The following RYR1 variants were observed in gnomAD, a reference collection of about 807,000 sequenced individuals.
The protein encoded by RYR1 is central core disease of muscle.
In RYR1, 342 loss-of-function variants were observed where a neutral mutation model predicts 583.5. The ratio of observed to expected loss-of-function variants is 0.59; its 90% CI spans 0.54 to 0.64. RYR1 has a LOEUF of 0.64. Among genes scored for constraint, RYR1 ranks in the 30% least tolerant of loss-of-function variants. The pLI is 0.00. For synonymous variants in RYR1, 2,791 were observed against 2,822.5 expected, an observed-to-expected ratio of 0.99 and a Z score of 0.35; for missense variants, 6,032 against 6,917.2, an observed-to-expected ratio of 0.87 and a Z score of 4.54.
intron 58 of RYR1, among the ~76,000 whole-genome samples, chr19:38,508,772 G>A (rs1970594837): frequency 6.6e-6 from 1 of 152,158 alleles, no homozygotes; most frequent in Non-Finnish European, 1.5e-5. Flanking sequence ...GATCATGCAG[G>A]GCTTTGCAAG....
intron 89 of RYR1, among the ~76,000 whole-genome samples, chr19:38,549,965 A>C (rs1972597950): frequency 6.7e-6 from 1 of 150,100 alleles, no homozygotes; most frequent in Non-Finnish European, 1.5e-5. Flanking sequence ...CATGTTGGCC[A>C]GGCTGGTCTT....
At position 38,510,764 on chromosome 19, in the gene RYR1, GA is replaced by G; in HGVS notation, c.9107del (p.Lys3036ArgfsTer3). ...GSGGHASNKEKEMITSLFCKL... is the reference protein window; with the variant it reads ...GSGGHASNKEXEMITSLFCKL... ...GCGGTGGCCACGCCTCTAACAAGGA[GA>G]AGGAAATGATCACCAGGTGGGCCGC... is the stretch of plus-strand genomic sequence containing the variant. On this transcript the variant is annotated frameshift_variant, in exon 60 of 106. Coordinates refer to ENST00000359596, the MANE Select transcript of RYR1 (RefSeq NM_000540.3). LOFTEE classifies it high-confidence loss of function. 6.2e-7 allele frequency: 1 copy of G among 1,614,204 alleles called. No homozygotes were observed. Among genetic ancestry groups the G allele is most frequent in the Non-Finnish European group, 8.5e-7 (1 of 1,180,042 alleles).
At position 38,456,335 on chromosome 19, in the gene RYR1, G is replaced by A. The variant is rs150328360; in HGVS notation, c.1791+584G>A. On this transcript the variant is annotated intron_variant, in intron 16 of 105. Transcript: ENST00000359596. The stretch of plus-strand genomic sequence containing the variant: ...CTGTCACCCAGACTGGAGTGGGAGT[G>A]CAGTGGCATGATCTCAGCTCACTGC... Among the ~76,000 whole-genome samples, 497 of 144,744 alleles carry A rather than the reference G, an allele frequency of 3.4e-3. 4 individuals are homozygous for A. Among genetic ancestry groups the A allele is most frequent in the African/African-American group, 0.012 (472 of 38,752 alleles). The allele number at this position is 144,744 out of a possible 152,430, so 95.0% of individuals were successfully genotyped here. A position where few individuals can be genotyped will look rare whatever the true frequency, so the allele number is the denominator to read the frequency against.
Position 38,543,200 on chromosome 19 carries a change from T to C in RYR1, c.11690-147T>C. The stretch of plus-strand genomic sequence containing the variant: ...TCTCTGTCACATAGTAAGTACTTGA[T>C]AGTTATTAAATAAATTGATGATGAT... On this transcript the variant is annotated intron_variant, in intron 84 of 105. Transcript: ENST00000359596. This position sits in a 1 kb window ranked among gnomAD's most constrained non-coding sequence, Gnocchi z 4.4. The C allele has an allele frequency of 1.4e-6, 1 of 737,384 alleles. No homozygotes were observed. Among genetic ancestry groups the C allele is most frequent in the Non-Finnish European group, 2.4e-6 (1 of 408,914 alleles). The allele number at this position is 737,384 out of a possible 1,614,324, so 45.7% of individuals were successfully genotyped here.
rs1970267465 is a variant in RYR1 at position 38,503,009 on chromosome 19, G to A, written c.7926+39G>A. The A allele has an allele frequency of 1.9e-6, 3 of 1,589,494 alleles. No individual in the cohort carries two copies. In the South Asian group the frequency reaches 3.3e-5, roughly 18 times the overall value. ...CTCTTTAGCATCTCATTTCCAGGCC[G>A]CACCCACTGGTTTGCTCTTCCCTCC... On this transcript the variant is annotated intron_variant, in intron 49 of 105. Transcript: ENST00000359596.
Position 38,489,392 on chromosome 19 carries a change from C to T in RYR1, c.5763C>T (p.Gly1921=). The T allele has an allele frequency of 6.2e-7, 1 of 1,613,946 alleles. No homozygotes were observed. The change falls in exon 35 of 106, where the codon GGC becomes GGT. Residue 1921 remains glycine, a synonymous_variant. Transcript: ENST00000359596. ...EEAAEGEKEE[G]LEEGLLQMKL... ...CAGCAGAAGGGGAGAAAGAAGAAGG[C>T]TTGGAGGAAGGGCTGCTCCAGATGA...
chr19:38,455,099 AC>A, intron 13 of RYR1, 135 bp from the exon 14 acceptor site: 1 of 1,059,276 alleles, frequency 9.4e-7, no homozygotes, highest in Non-Finnish European at 1.4e-6. Context: ...GGAATATGAA[AC>A]CAAAGGGGCT....
rs1970780761 is a variant in RYR1, at chr19:38,512,574, A to C, written c.9472+91A>C. ...GCCTGTGAGAGTCCCTGGGTGTTTG[A>C]ATGTGTGGATTTCTTGCTGTAAGCA... On this transcript the variant is annotated intron_variant, in intron 63 of 105. Transcript: ENST00000359596. This position sits in a 1 kb window ranked among gnomAD's most constrained non-coding sequence, Gnocchi z 5.1. 3 of 1,229,822 alleles carry C rather than the reference A, an allele frequency of 2.4e-6. No homozygotes were observed. Among genetic ancestry groups the C allele is most frequent in the Non-Finnish European group, 3.5e-6 (3 of 845,298 alleles). 76.2% of individuals were successfully genotyped at this position (1,229,822 alleles called of 1,614,324 possible).
chr19:38,464,336 C>A (rs1967973062), intron 22 of RYR1, among the ~76,000 whole-genome samples: 1 of 130,832 alleles, frequency 7.6e-6, no homozygotes, highest in Admixed American at 8.0e-5. Context: ...AAGAAAGGGA[C>A]AGAGGCAGAA....
chr19:38,455,970 T>TTTG (rs974780978), intron 16 of RYR1, among the ~76,000 whole-genome samples: 2 of 99,596 alleles, frequency 2.0e-5, no homozygotes, highest in African/African-American at 6.3e-5. Flanking sequence ...CTGAAATGTT[T>TTTG]TTTTTTTTTT....
At position 38,494,438 on chromosome 19, in the gene RYR1, T is replaced by G. The variant is rs1257280489; in HGVS notation, c.6361T>G (p.Phe2121Val). ...VQSPELVRAM[F>V]SLLHRQYDGL... The stretch of plus-strand genomic sequence containing the variant: ...GAGCCCCGAGCTGGTGCGGGCCATG[T>G]TCAGCCTCCTGCACCGGCAGTACGA... Residue 2121 changes from phenylalanine (F) to valine (V), a missense_variant, in exon 39 of 106, where the codon TTC (phenylalanine) becomes GTC (valine). Physicochemically the swap from Phe to Val is conservative, Grantham distance 50 (BLOSUM62 -1). Coordinates refer to ENST00000359596, the MANE Select transcript of RYR1 (RefSeq NM_000540.3). 1.2e-6 allele frequency: 2 copies of G among 1,612,326 alleles called. No individual in the cohort carries two copies. Among genetic ancestry groups the G allele is most frequent in the African/African-American group, 2.7e-5 (2 of 74,890 alleles).
intron 37 of RYR1, among the ~76,000 whole-genome samples, chr19:38,492,111 C>T (rs547239681): frequency 2.0e-4 from 30 of 152,150 alleles, no homozygotes; most frequent in African/African-American, 5.3e-4. Context: ...CCTGCAATCC[C>T]GGCATTTTGG....
At position 38,469,522 on chromosome 19, in the gene RYR1, T is replaced by C. The variant is rs1968305651; in HGVS notation, c.3765+9T>C. ...AACACCCTCACTATGAGGTAAGGAC[T>C]GAGCCCCTCAATGCCTTCTCATCTG... On this transcript the variant is annotated intron_variant, in intron 27 of 105. Coordinates refer to ENST00000359596, the MANE Select transcript of RYR1 (RefSeq NM_000540.3). 1 of 1,613,184 alleles carries C rather than the reference T, an allele frequency of 6.2e-7. No homozygotes were observed. The highest frequency in any genetic ancestry group is 1.3e-5 in the African/African-American group (1 of 74,918).
At chr19:38,481,493 A>G (rs1205975790) in intron 31 of RYR1, among the ~76,000 whole-genome samples, 1 of 152,090 alleles carries the variant, frequency 6.6e-6, no homozygotes, top group Non-Finnish European at 1.5e-5. Flanking sequence ...GTTTCATTTC[A>G]TATGTAGATT....
At chr19:38,466,472 A>G in intron 24 of RYR1, 74 bp downstream of exon 24, 1 of 1,293,904 alleles carries the variant, frequency 7.7e-7, no homozygotes, top group Non-Finnish European at 1.1e-6. Flanking sequence ...CTGATCTCTG[A>G]CCTGACTCAG....
rs548280516 is a variant in RYR1 at position 38,510,741 on chromosome 19, G to A, written c.9082G>A (p.Gly3028Ser). 22 of 1,614,002 alleles carry A rather than the reference G, an allele frequency of 1.4e-5. No individual in the cohort carries two copies. The East Asian group carries it at 2.2e-4, about 16-fold the overall frequency. Residue 3028 changes from glycine (G) to serine (S), a missense_variant, in exon 60 of 106, where the codon GGT (glycine) becomes AGT (serine). Transcript: ENST00000359596. ...LSTPAKVLGS[G>S]GHASNKEKEM... ...CACTCCGGCTAAAGTGCTGGGCAGC[G>A]GTGGCCACGCCTCTAACAAGGAGAA...
Position 38,500,638 on chromosome 19 carries a change from G to C in RYR1, c.7356G>C (p.Arg2452=). The change falls in exon 46 of 106, where the codon CGG becomes CGC. Residue 2452 remains arginine (R), a synonymous_variant. Transcript: ENST00000359596. This position sits in a 1 kb window ranked among gnomAD's most constrained non-coding sequence, Gnocchi z 5.9. ...AAGCCGGCAAGGGTGAGGCCCTGCGGATCCGCGCCATCCTCCGCTCCCTTG... is the reference window on the plus strand; with the variant it reads ...AAGCCGGCAAGGGTGAGGCCCTGCGCATCCGCGCCATCCTCCGCTCCCTTG... ...LIQAGKGEAL[R]IRAILRSLVP... 1 of 1,613,678 alleles carries C rather than the reference G, an allele frequency of 6.2e-7. No individual in the cohort carries two copies. Among genetic ancestry groups the C allele is most frequent in the Admixed American group, 1.7e-5 (1 of 60,016 alleles).
intron 35 of RYR1, among the ~76,000 whole-genome samples, chr19:38,489,661 CT>C (rs1969463436): frequency 6.6e-6 from 1 of 152,190 alleles, no homozygotes; most frequent in Non-Finnish European, 1.5e-5. Context: ...CAGAATTTTG[CT>C]CTGTCACCCA....
chr19:38,563,936 A>C (rs2145839870), intron 90 of RYR1, among the ~76,000 whole-genome samples: 1 of 152,296 alleles, frequency 6.6e-6, no homozygotes, highest in East Asian at 1.9e-4. Context: ...TGGGAAGAAA[A>C]CCCGCTAGCC....
Sources: allele counts gnomAD v4.1 joint callset (sites outside exome capture counted in the v4.1 genomes callset), GRCh38; gene constraint gnomAD v4.1.1; non-coding constraint Gnocchi (gnomAD v3.1); transcripts MANE v1.5; gene names NCBI Gene and HGNC (gene_info 2026-07-23, HGNC 2026-07-21).